PSD3: variants seen among roughly 807,000 people sequenced by gnomAD.
PSD3 encodes the protein pleckstrin and Sec7 domain containing 3, also known as PH and SEC7 domain-containing protein 3.
In PSD3, 49 loss-of-function variants were observed where a neutral mutation model predicts 105.5. The observed-to-expected ratio is 0.46, with a 90% CI of 0.37 to 0.59. PSD3 has a LOEUF of 0.59. Among genes scored for constraint, PSD3 ranks in the 20% least tolerant of loss-of-function variants. The probability of loss-of-function intolerance (pLI) is 0.00; values close to 1 mark genes in which losing one functional copy is unlikely to be tolerated. For missense variants in PSD3, 1,561 were observed against 1,263.8 expected, an observed-to-expected ratio of 1.24 and a Z score of -3.57; for synonymous variants, 557 against 457.8, an observed-to-expected ratio of 1.22 and a Z score of -2.77.
chr8:19,025,915 A>T (rs1827535031), intron 1 of PSD3, among the ~76,000 whole-genome samples: 1 of 152,140 alleles, frequency 6.6e-6, no homozygotes, highest in Non-Finnish European at 1.5e-5. Context: ...CATACCTGAG[A>T]CTGGGTAATT....
At chr8:18,796,694 C>T (rs1410709086) in intron 8 of PSD3, among the ~76,000 whole-genome samples, 1 of 152,168 alleles carries the variant, frequency 6.6e-6, no homozygotes, top group Non-Finnish European at 1.5e-5. Flanking sequence ...ATAGGGGAGT[C>T]ACCCCTCCCC....
intron 4 of PSD3, among the ~76,000 whole-genome samples, chr8:18,846,109 T>G (rs576576372): frequency 1.3e-5 from 2 of 152,152 alleles, no homozygotes; most frequent in Non-Finnish European, 2.9e-5. Flanking sequence ...GAAAGAGAGA[T>G]AGAAGAAAGA....
At chr8:18,755,564 C>A (rs1047012867) in intron 9 of PSD3, among the ~76,000 whole-genome samples, 1 of 152,082 alleles carries the variant, frequency 6.6e-6, no homozygotes, top group Admixed American at 6.6e-5. Context: ...TCTTCATGAT[C>A]AAATTGAAAA....
chr8:19,071,762 C>T (rs1004672685), intron 1 of PSD3, among the ~76,000 whole-genome samples: 1 of 152,022 alleles, frequency 6.6e-6, no homozygotes, highest in African/African-American at 2.4e-5. Flanking sequence ...CTCTTGTTGC[C>T]CAGGCTGGAG....
At chr8:18,997,651 G>A (rs1826150293) in intron 1 of PSD3, among the ~76,000 whole-genome samples, 1 of 152,008 alleles carries the variant, frequency 6.6e-6, no homozygotes, top group East Asian at 1.9e-4. Context: ...ACCTGGCGAC[G>A]GTGTCCGGTC....
chr8:18,587,851 T>G (rs1006199712), intron 12 of PSD3, among the ~76,000 whole-genome samples: 15 of 152,182 alleles, frequency 9.9e-5, no homozygotes, highest in African/African-American at 3.6e-4. Context: ...TGGGAGGATA[T>G]AAAACCCAAA....
chr8:18,910,004 T>C (rs1380439708), intron 2 of PSD3, among the ~76,000 whole-genome samples: 5 of 152,188 alleles, frequency 3.3e-5, no homozygotes, highest in Admixed American at 6.5e-5. Flanking sequence ...GGAATTTAGA[T>C]GTTTCAGCAG....
At chr8:18,722,615 A>T (rs898659091) in intron 9 of PSD3, among the ~76,000 whole-genome samples, 1 of 152,228 alleles carries the variant, frequency 6.6e-6, no homozygotes, top group Non-Finnish European at 1.5e-5. Context: ...AATGTATCTA[A>T]ATATAATCAT....
At chr8:18,730,914 A>G (rs951179968) in intron 9 of PSD3, among the ~76,000 whole-genome samples, 6 of 152,216 alleles carry the variant, frequency 3.9e-5, no homozygotes, top group Admixed American at 6.5e-5. Flanking sequence ...CAAAAAAAAA[A>G]TCACATGTAC....
intron 2 of PSD3, among the ~76,000 whole-genome samples, chr8:18,898,062 T>G (rs945483402): frequency 1.3e-5 from 2 of 152,178 alleles, no homozygotes; most frequent in African/African-American, 4.8e-5. Flanking sequence ...TGGCTATGGT[T>G]TTCTCATATA....
At chr8:18,752,499 A>G (rs1362193779) in intron 9 of PSD3, among the ~76,000 whole-genome samples, 296 of 18,848 alleles carry the variant, frequency 0.016, 5 homozygotes, top group African/African-American at 0.032. Context: ...TATAATATAT[A>G]TAATATATAT....
At chr8:18,877,272 G>T (rs1386477776) in intron 2 of PSD3, among the ~76,000 whole-genome samples, 1 of 152,134 alleles carries the variant, frequency 6.6e-6, no homozygotes, top group African/African-American at 2.4e-5. Context: ...CTTTTACGTT[G>T]TCTTCTAAGA....
chr8:19,070,608 G>A (rs1298973777), intron 1 of PSD3, among the ~76,000 whole-genome samples: 2 of 152,172 alleles, frequency 1.3e-5, no homozygotes, highest in African/African-American at 4.8e-5. Flanking sequence ...AATCTGGGAG[G>A]CGGAGGTTGC....
intron 9 of PSD3, among the ~76,000 whole-genome samples, chr8:18,663,564 A>G (rs1203857687): frequency 6.6e-6 from 1 of 152,238 alleles, no homozygotes; most frequent in African/African-American, 2.4e-5. Flanking sequence ...CTTGATCAAT[A>G]AGATGTATTC....
chr8:18,801,463 T>A, intron 6 of PSD3, 81 bp from the exon 7 acceptor site: 1 of 752,468 alleles, frequency 1.3e-6, no homozygotes, highest in Non-Finnish European at 2.3e-6. Context: ...TCAATTTATA[T>A]AAACCTAAGA....
At chr8:18,579,365 A>C (rs1435731136) in intron 12 of PSD3, among the ~76,000 whole-genome samples, 1 of 152,210 alleles carries the variant, frequency 6.6e-6, no homozygotes, top group Non-Finnish European at 1.5e-5. Flanking sequence ...TGAGCAAGAT[A>C]AATCCAATCA....
chr8:18,668,296 C>G (rs1301051983), intron 9 of PSD3, among the ~76,000 whole-genome samples: 4 of 152,222 alleles, frequency 2.6e-5, no homozygotes, highest in Non-Finnish European at 5.9e-5. Context: ...ACTGAACAAA[C>G]ACGGCAAAAT....
intron 1 of PSD3, among the ~76,000 whole-genome samples, chr8:19,064,212 G>C (rs1470909423): frequency 1.3e-5 from 2 of 152,242 alleles, no homozygotes; most frequent in East Asian, 3.9e-4. Context: ...CTGAGTTCTA[G>C]TTAATTAAGC....
chr8:18,916,921 C>A (rs1820656699), intron 2 of PSD3, among the ~76,000 whole-genome samples: 1 of 151,972 alleles, frequency 6.6e-6, no homozygotes, highest in South Asian at 2.1e-4. Flanking sequence ...AAGTCTTTAA[C>A]ATTTCTTTTT....
Sources: allele counts gnomAD v4.1 joint callset (sites outside exome capture counted in the v4.1 genomes callset), GRCh38; gene constraint gnomAD v4.1.1; transcripts MANE v1.5; gene names NCBI Gene and HGNC (gene_info 2026-07-23, HGNC 2026-07-21).